Variants in SORT1 observed in about 807,000 individuals in gnomAD.
The protein encoded by SORT1 is sortilin.
SORT1 carries 39 observed loss-of-function variants against 101.7 expected under a neutral mutation model. The ratio of observed to expected loss-of-function variants is 0.38; its 90% CI spans 0.30 to 0.50. The LOEUF (loss-of-function observed/expected upper bound fraction) is 0.50. Ranked by LOEUF, SORT1 falls within the 20% of genes least tolerant of loss-of-function variation. SORT1 has a pLI of 0.90. For synonymous variants in SORT1, 396 were observed against 393.7 expected, an observed-to-expected ratio of 1.01 and a Z score of -0.07; for missense variants, 878 against 1,040.4, an observed-to-expected ratio of 0.84 and a Z score of 2.15.
chr1:109,345,905 T>C, intron 7 of SORT1, 24 bp from the exon 8 acceptor site: 1 of 1,597,616 alleles, frequency 6.3e-7, no homozygotes, highest in Middle Eastern at 1.7e-4. Flanking sequence ...AAATATTAAT[T>C]AAAATTTCAC....
chr1:109,336,220 A>G lies in SORT1; in HGVS notation c.1371+20T>C, dbSNP rs371078471. 11 of 1,477,978 alleles carry G rather than the reference A, an allele frequency of 7.4e-6. No individual in the cohort carries two copies. The highest frequency in any genetic ancestry group is 1.0e-5 in the Non-Finnish European group (11 of 1,055,448). 91.6% of individuals were successfully genotyped at this position (1,477,978 alleles called of 1,614,324 possible). ...CAATGGAAAGGCTGCTGTGCTCTGC[A>G]CACATTAGAGTAAACAAACCTCATT... On this transcript the variant is annotated intron_variant, in intron 11 of 19. Transcript: ENST00000256637.
At chr1:109,360,002 A>C (rs1650603018) in intron 3 of SORT1, among the ~76,000 whole-genome samples, 1 of 152,178 alleles carries the variant, frequency 6.6e-6, no homozygotes, top group Non-Finnish European at 1.5e-5. Flanking sequence ...AGACATTTCC[A>C]TTCCAAAAAA....
chr1:109,375,985 G>A (rs958015087), intron 1 of SORT1, among the ~76,000 whole-genome samples: 1 of 152,166 alleles, frequency 6.6e-6, no homozygotes, highest in Non-Finnish European at 1.5e-5. Flanking sequence ...GGAGAAAAGG[G>A]AGTGTTTATA....
chr1:109,377,972 C>T (rs900823623), intron 1 of SORT1, among the ~76,000 whole-genome samples: 1 of 152,066 alleles, frequency 6.6e-6, no homozygotes, highest in African/African-American at 2.4e-5. Flanking sequence ...TGGTTCATGC[C>T]TGTAATCCCA....
intron 11 of SORT1, among the ~76,000 whole-genome samples, chr1:109,332,699 C>A (rs1027469786): frequency 6.6e-6 from 1 of 152,132 alleles, no homozygotes; most frequent in African/African-American, 2.4e-5. Flanking sequence ...TATCATGCTA[C>A]CTAATTTCAA....
At position 109,322,948 on chromosome 1, in the gene SORT1, G is replaced by A. The variant is rs1647737075; in HGVS notation, c.2008C>T (p.Leu670=). The A allele has an allele frequency of 6.2e-7, 1 of 1,613,244 alleles. No individual in the cohort carries two copies. The highest frequency in any genetic ancestry group is 2.2e-5 in the East Asian group (1 of 44,878). Reference sequence around the variant, plus strand: ...TGCTGATACCAGAGAAAGTCCTCCAGGGAACAGAGGCAGATGGAGGGCTGC... The same window carrying A: ...TGCTGATACCAGAGAAAGTCCTCCAAGGAACAGAGGCAGATGGAGGGCTGC... The part of the protein sequence containing the change: ...TKQPSICLCS[L]EDFLCDFGYY... The change falls in exon 15 of 20, where the codon CTG becomes TTG. Residue 670 remains leucine, a synonymous_variant. Coordinates refer to ENST00000256637, the MANE Select transcript of SORT1 (RefSeq NM_002959.7).
chr1:109,347,676 G>T (rs1435195029), intron 6 of SORT1, 144 bp from the exon 7 acceptor site: 5 of 596,812 alleles, frequency 8.4e-6, no homozygotes, highest in Non-Finnish European at 1.6e-5. Context: ...CTGAGCCCTG[G>T]TCCTTCACAG....
intron 11 of SORT1, among the ~76,000 whole-genome samples, chr1:109,332,111 C>T (rs1357909429): frequency 6.6e-6 from 1 of 151,052 alleles, no homozygotes; most frequent in Non-Finnish European, 1.5e-5. Flanking sequence ...GTCCATACTA[C>T]CCAAAGTGAT....
chr1:109,324,049 G>C (rs567019120), intron 14 of SORT1, among the ~76,000 whole-genome samples: 1 of 152,200 alleles, frequency 6.6e-6, no homozygotes, highest in African/African-American at 2.4e-5. Flanking sequence ...CAACTAGAGT[G>C]TCTAGAAACG....
intron 3 of SORT1, among the ~76,000 whole-genome samples, chr1:109,365,594 T>G (rs763369913): frequency 3.3e-5 from 5 of 152,128 alleles, no homozygotes; most frequent in Non-Finnish European, 7.4e-5. Context: ...ATATAGTCAA[T>G]CCTATATTTA....
intron 7 of SORT1, 54 bp from the exon 8 acceptor site, chr1:109,345,935 A>C: frequency 6.8e-7 from 1 of 1,469,518 alleles, no homozygotes; most frequent in Non-Finnish European, 9.4e-7. Context: ...AGCCTAGTTC[A>C]AAGCAGTTGT....
chr1:109,335,345 T>A (rs942040147), intron 11 of SORT1, among the ~76,000 whole-genome samples: 19 of 151,242 alleles, frequency 1.3e-4, no homozygotes, highest in African/African-American at 4.6e-4. Context: ...AGGCTTAAGG[T>A]GAGGAGGGCA....
intron 3 of SORT1, among the ~76,000 whole-genome samples, chr1:109,356,391 G>T (rs1650326870): frequency 6.6e-6 from 1 of 152,160 alleles, no homozygotes; most frequent in African/African-American, 2.4e-5. Context: ...CTGTCACAAT[G>T]GGAGCACAGA....
chr1:109,322,269 T>C (rs557509718), intron 15 of SORT1, among the ~76,000 whole-genome samples: 23 of 152,166 alleles, frequency 1.5e-4, no homozygotes, highest in African/African-American at 4.1e-4. Context: ...AATTTCCTCT[T>C]TGCTCCTCTA....
At chr1:109,326,518 T>C (rs1470481781) in intron 13 of SORT1, among the ~76,000 whole-genome samples, 2,618 of 82,710 alleles carry the variant, frequency 0.032, 118 homozygotes, top group African/African-American at 0.1. Flanking sequence ...CACATACACA[T>C]ATATATACAC....
At chr1:109,383,217 C>T (rs914441767) in intron 1 of SORT1, among the ~76,000 whole-genome samples, 3 of 152,186 alleles carry the variant, frequency 2.0e-5, no homozygotes, top group Non-Finnish European at 4.4e-5. Flanking sequence ...GCTTAAAAGC[C>T]ACTTGCTGAT....
intron 1 of SORT1, among the ~76,000 whole-genome samples, chr1:109,396,369 C>G (rs1490306118): frequency 6.6e-6 from 1 of 152,140 alleles, no homozygotes; most frequent in Non-Finnish European, 1.5e-5. Context: ...CAATCCCCCA[C>G]TGTGAGAAGG....
intron 6 of SORT1, among the ~76,000 whole-genome samples, chr1:109,347,948 T>C (rs2101592422): frequency 6.6e-6 from 1 of 152,368 alleles, no homozygotes; most frequent in South Asian, 2.1e-4. Context: ...CAAAATGTCA[T>C]TAGTGCTGAG....
intron 18 of SORT1, 100 bp downstream of exon 18, chr1:109,314,572 G>C (rs1658923976): frequency 1.8e-6 from 2 of 1,081,466 alleles, no homozygotes; most frequent in Non-Finnish European, 2.7e-6. Flanking sequence ...GAACAGTACT[G>C]CAAGTACCTA....
Sources: gnomAD v4.1 joint callset for allele counts (sites outside exome capture counted in the v4.1 genomes callset) on GRCh38, gnomAD v4.1.1 for gene constraint, MANE v1.5 for transcripts, NCBI Gene and HGNC (gene_info 2026-07-23, HGNC 2026-07-21) for gene names.